The following RASGRP1 variants were observed in gnomAD, a reference collection of about 807,000 sequenced individuals.
RASGRP1 encodes the protein RAS guanyl-releasing protein 1.
RASGRP1 carries 37 observed loss-of-function variants against 95.1 expected under a neutral mutation model. That is an observed-to-expected ratio of 0.39 (90% CI 0.30 to 0.51). The LOEUF (loss-of-function observed/expected upper bound fraction) is 0.51. Ranked by LOEUF, RASGRP1 falls within the 20% of genes least tolerant of loss-of-function variation. The pLI is 0.80. For synonymous variants in RASGRP1, 325 were observed against 353.4 expected (o/e 0.92, Z 0.90); for missense variants, 711 against 965.4 (o/e 0.74, Z 3.49).
intron 4 of RASGRP1, 76 bp downstream of exon 4, chr15:38,519,233 G>A: frequency 7.9e-7 from 1 of 1,258,108 alleles, no homozygotes; most frequent in Non-Finnish European, 1.1e-6. Flanking sequence ...GGTCAGGAAA[G>A]GCAGGGAAAG....
intron 16 of RASGRP1, among the ~76,000 whole-genome samples, chr15:38,493,789 A>G (rs942753872): frequency 6.6e-6 from 1 of 152,180 alleles, no homozygotes; most frequent in Non-Finnish European, 1.5e-5. Context: ...CTTCGTTTAT[A>G]TTTAGGAGGG....
intron 3 of RASGRP1, among the ~76,000 whole-genome samples, chr15:38,524,719 C>T (rs148335497): frequency 6.6e-6 from 1 of 151,984 alleles, no homozygotes; most frequent in Non-Finnish European, 1.5e-5. Context: ...AATTTTTAAC[C>T]CTAACAATGG....
intron 8 of RASGRP1, among the ~76,000 whole-genome samples, chr15:38,511,313 A>G (rs1015153340): frequency 2.0e-5 from 3 of 152,222 alleles, no homozygotes; most frequent in Non-Finnish European, 4.4e-5. Flanking sequence ...AAAGATGGTA[A>G]CTGAATATTC....
rs56080834 is a variant in RASGRP1, at chr15:38,536,906, C to T, written c.221-10502G>A. Among the ~76,000 whole-genome samples the T allele has an allele frequency of 8.2e-3, 1,252 of 152,292 alleles. 11 individuals carry two copies. Among genetic ancestry groups the T allele is most frequent in the African/African-American group, 0.028 (1,170 of 41,546 alleles). Reference sequence around the variant, plus strand: ...AAATTATTCTGAAAGTTTCCTCACCCCTTCTTTGGTTGTGGTTAGGATTAG... The same window carrying T: ...AAATTATTCTGAAAGTTTCCTCACCTCTTCTTTGGTTGTGGTTAGGATTAG... On this transcript the variant is annotated intron_variant, in intron 2 of 16. Transcript: ENST00000310803.
rs979977365 is a variant in RASGRP1 at position 38,564,718 on chromosome 15, C to T, written c.-90G>A. 4.8e-5 allele frequency: 53 copies of T among 1,106,004 alleles called. No homozygotes were observed. Among genetic ancestry groups the T allele is most frequent in the East Asian group, 1.7e-4 (4 of 24,056 alleles). 68.5% of individuals were successfully genotyped at this position (1,106,004 alleles called of 1,614,324 possible). ...CCACCACCGCCGCCGCCTGCCGGCT[C>T]TCTCCCCCCCGGGCCTCGTAGCCCC... On this transcript the variant is annotated 5_prime_UTR_variant, in exon 1 of 17. Coordinates refer to ENST00000310803, the MANE Select transcript of RASGRP1 (RefSeq NM_005739.4).
intron 15 of RASGRP1, among the ~76,000 whole-genome samples, chr15:38,498,243 C>T (rs751949715): frequency 7.2e-5 from 11 of 152,294 alleles, no homozygotes; most frequent in Admixed American, 5.9e-4. Context: ...AAATCAAATT[C>T]GCAGCTGCCT....
At chr15:38,531,957 A>G (rs1381797425) in intron 2 of RASGRP1, among the ~76,000 whole-genome samples, 1 of 151,696 alleles carries the variant, frequency 6.6e-6, no homozygotes, top group Admixed American at 6.6e-5. Flanking sequence ...TTCCTTTTTG[A>G]ACAACCTCAT....
At chr15:38,529,155 C>T (rs1267249568) in intron 2 of RASGRP1, among the ~76,000 whole-genome samples, 4 of 152,164 alleles carry the variant, frequency 2.6e-5, no homozygotes, top group South Asian at 2.1e-4. Context: ...ATGACTTAAT[C>T]GACCTCCTTG....
chr15:38,511,292 G>T (rs773021107), intron 8 of RASGRP1, among the ~76,000 whole-genome samples: 1 of 152,182 alleles, frequency 6.6e-6, no homozygotes, highest in Non-Finnish European at 1.5e-5. Flanking sequence ...TGGAGCGAGG[G>T]AATCAGTGTC....
At chr15:38,505,819 G>C in intron 10 of RASGRP1, 21 bp downstream of exon 10, 4 of 1,557,604 alleles carry the variant, frequency 2.6e-6, no homozygotes, top group Non-Finnish European at 3.5e-6. Context: ...TACATGTGGA[G>C]TCTTAATATG....
rs575023356 is a variant in RASGRP1 at position 38,540,504 on chromosome 15, G to A, written c.221-14100C>T. ...TTGTATCCCCAGGATCTGCAGACCT[G>A]AGGGCATGTGGGAAGGCGATGGTGA... On this transcript the variant is annotated intron_variant, in intron 2 of 16. Transcript: ENST00000310803. Among the ~76,000 whole-genome samples the A allele has an allele frequency of 2.4e-4, 36 of 152,334 alleles. No individual in the cohort carries two copies. In the East Asian group the frequency reaches 6.8e-3, roughly 29 times the overall value.
intron 7 of RASGRP1, 89 bp from the exon 8 acceptor site, chr15:38,511,809 G>C (rs1233179000): frequency 3.2e-6 from 3 of 923,330 alleles, no homozygotes; most frequent in African/African-American, 3.5e-5. Flanking sequence ...TCTGTGCCGT[G>C]AGTCTCCCTT....
chr15:38,496,117 T>G (rs1890783337), intron 15 of RASGRP1, among the ~76,000 whole-genome samples: 1 of 152,166 alleles, frequency 6.6e-6, no homozygotes, highest in South Asian at 2.1e-4. Flanking sequence ...TTGAGAAAGA[T>G]AGTAATGGGC....
chr15:38,549,274 C>T (rs753757899), intron 2 of RASGRP1, among the ~76,000 whole-genome samples: 3 of 152,208 alleles, frequency 2.0e-5, no homozygotes, highest in Non-Finnish European at 4.4e-5. Context: ...ATCCCCTATG[C>T]ATTTGGCATT....
intron 2 of RASGRP1, among the ~76,000 whole-genome samples, chr15:38,553,663 CAG>C (rs1329408863): frequency 6.6e-6 from 1 of 152,228 alleles, no homozygotes; most frequent in African/African-American, 2.4e-5. Context: ...GTAGTTGTAA[CAG>C]ACATCCACAT....
At chr15:38,511,857 C>G in intron 7 of RASGRP1, 137 bp from the exon 8 acceptor site, 1 of 624,880 alleles carries the variant, frequency 1.6e-6, no homozygotes, top group South Asian at 1.9e-5. Flanking sequence ...ATTGCAATTT[C>G]CTGTCCATGT....
intron 2 of RASGRP1, among the ~76,000 whole-genome samples, chr15:38,551,512 T>A (rs1025431218): frequency 1.3e-5 from 2 of 152,202 alleles, no homozygotes; most frequent in African/African-American, 4.8e-5. Flanking sequence ...TCCACGACAA[T>A]GTATGATATG....
At chr15:38,515,272 C>T (rs1891713841) in intron 6 of RASGRP1, among the ~76,000 whole-genome samples, 1 of 152,148 alleles carries the variant, frequency 6.6e-6, no homozygotes, top group Non-Finnish European at 1.5e-5. Context: ...GCCTCCATCC[C>T]CTCACCAGGA....
At chr15:38,505,086 T>C (rs1257070562) in intron 10 of RASGRP1, 1 of 152,238 alleles carries the variant, frequency 6.6e-6, no homozygotes, top group Admixed American at 6.5e-5. Context: ...ACTTGATCTT[T>C]CTGTGTGGAG....
Sources: allele counts gnomAD v4.1 joint callset (sites outside exome capture counted in the v4.1 genomes callset), GRCh38; gene constraint gnomAD v4.1.1; transcripts MANE v1.5; gene names NCBI Gene and HGNC (gene_info 2026-07-23, HGNC 2026-07-21).